BIRC6: variants seen among roughly 807,000 people sequenced by gnomAD.
BIRC6 encodes baculoviral IAP repeat containing 6.
A neutral mutation model predicts 503.3 loss-of-function variants in BIRC6; 98 were observed. The ratio of observed to expected loss-of-function variants is 0.19; its 90% CI spans 0.17 to 0.23. BIRC6 has a LOEUF of 0.23. Among genes scored for constraint, BIRC6 ranks in the 10% least tolerant of loss-of-function variants. The probability of loss-of-function intolerance (pLI) is 1.00; values close to 1 mark genes in which losing one functional copy is unlikely to be tolerated. For synonymous variants in BIRC6, 2,240 were observed against 2,078.7 expected, an observed-to-expected ratio of 1.08 and a Z score of -2.11; for missense variants, 5,360 against 5,806.0, an observed-to-expected ratio of 0.92 and a Z score of 2.50.
At position 32,477,482 on chromosome 2, in the gene BIRC6, C is replaced by T; in HGVS notation, c.6967C>T (p.Leu2323=). 5 of 1,614,038 alleles carry T rather than the reference C, an allele frequency of 3.1e-6. No homozygotes were observed. Among genetic ancestry groups the T allele is most frequent in the Non-Finnish European group, 4.2e-6 (5 of 1,179,884 alleles). The change falls in exon 35 of 74, where the codon CTG becomes TTG. Residue 2323 remains leucine, a synonymous_variant. Transcript: ENST00000421745. ...SPEIEPLPFT[L]AHERCISVVQ... is the part of the protein sequence containing the mutation. ...TGAGATAGAACCACTTCCATTTACTCTGGCCCATGAGCGTTGTATCTCAGT... is the reference window on the plus strand; with the variant it reads ...TGAGATAGAACCACTTCCATTTACTTTGGCCCATGAGCGTTGTATCTCAGT...
chr2:32,447,399 C>G, intron 21 of BIRC6, among the ~76,000 whole-genome samples: 1 of 151,360 alleles, frequency 6.6e-6, no homozygotes, highest in African/African-American at 2.4e-5. Flanking sequence ...CCCCACCTCC[C>G]TCCCGGACGG....
At chr2:32,541,359 A>C (rs1468167281) in intron 61 of BIRC6, among the ~76,000 whole-genome samples, 1 of 152,098 alleles carries the variant, frequency 6.6e-6, no homozygotes, top group Non-Finnish European at 1.5e-5. Flanking sequence ...CTGGCATCAA[A>C]ATTGCACCTG....
chr2:32,506,436 G>C (rs1487117239), intron 50 of BIRC6, among the ~76,000 whole-genome samples: 1 of 152,214 alleles, frequency 6.6e-6, no homozygotes, highest in Non-Finnish European at 1.5e-5. Context: ...AGGAAAATAT[G>C]CTAGTACACG....
At chr2:32,505,286 G>A (rs775433468) in intron 50 of BIRC6, 81 bp downstream of exon 50, 249 of 1,122,078 alleles carry the variant, frequency 2.2e-4, no homozygotes, top group Admixed American at 2.1e-4. Flanking sequence ...TTTAGTAAGC[G>A]GAAATACACT....
chr2:32,524,888 A>T lies in BIRC6; in HGVS notation c.11624A>T (p.Asp3875Val), dbSNP rs1272843184. Residue 3875 changes from aspartate to valine, a missense_variant and splice_region_variant, in exon 58 of 74, where the codon GAT (aspartate) becomes GTT (valine). By Grantham distance (152) the Asp-to-Val change is radical. Coordinates refer to ENST00000421745, the MANE Select transcript of BIRC6 (RefSeq NM_016252.4). ...TLSDVLDRVS[D>V]TPSITAKLIS... ...TATTTTAGATAATATCTTCTTACAG[A>T]TACTCCAAGTATCACAGCTAAATTA... 6.9e-7 allele frequency: 1 copy of T among 1,447,692 alleles called. No homozygotes were observed. The highest frequency in any genetic ancestry group is 9.2e-7 in the Non-Finnish European group (1 of 1,082,888). The allele number at this position is 1,447,692 out of a possible 1,614,324, so 89.7% of individuals were successfully genotyped here. A position where few individuals can be genotyped will look rare whatever the true frequency, so the allele number is the denominator to read the frequency against.
At chr2:32,510,495 C>A in intron 52 of BIRC6, 31 bp from the exon 53 acceptor site, 1 of 1,347,090 alleles carries the variant, frequency 7.4e-7, no homozygotes, top group Non-Finnish European at 1.1e-6. Flanking sequence ...GCTTATTTAG[C>A]AAACTTTTTC....
chr2:32,401,051 T>A, intron 6 of BIRC6, 112 bp from the exon 7 acceptor site: 2 of 864,970 alleles, frequency 2.3e-6, no homozygotes, highest in South Asian at 3.4e-5. Flanking sequence ...TCTTTAATGA[T>A]GAATACTTTA....
chr2:32,428,382 C>G (rs142887317), intron 10 of BIRC6, among the ~76,000 whole-genome samples: 2 of 152,324 alleles, frequency 1.3e-5, no homozygotes, highest in East Asian at 3.9e-4. Flanking sequence ...AGTAGCAGAT[C>G]TCCTTGTTTG....
At chr2:32,579,086 A>G (rs1334640186) in intron 66 of BIRC6, among the ~76,000 whole-genome samples, 3 of 147,698 alleles carry the variant, frequency 2.0e-5, no homozygotes. Flanking sequence ...TATTAGATAA[A>G]GAAAATAGAT....
At chr2:32,579,010 CCTAATATATATATACCT>C (rs1450934441) in intron 66 of BIRC6, among the ~76,000 whole-genome samples, 1 of 36,512 alleles carries the variant, frequency 2.7e-5, no homozygotes, top group East Asian at 3.3e-4. Context: ...TATATATATA[CCTAATATATATATACCT>C]AATATATATA....
intron 68 of BIRC6, among the ~76,000 whole-genome samples, chr2:32,596,445 G>C (rs1343644271): frequency 6.8e-6 from 1 of 148,146 alleles, no homozygotes; most frequent in African/African-American, 2.5e-5. Context: ...CTCCAGTCTG[G>C]GCGACAGAGC....
At chr2:32,566,648 C>T in intron 65 of BIRC6, among the ~76,000 whole-genome samples, 1 of 152,182 alleles carries the variant, frequency 6.6e-6, no homozygotes, top group Non-Finnish European at 1.5e-5. Context: ...CCACTGCATC[C>T]AGCTCACATA....
intron 10 of BIRC6, among the ~76,000 whole-genome samples, chr2:32,428,702 C>G (rs1411558614): frequency 2.0e-5 from 3 of 151,958 alleles, no homozygotes; most frequent in African/African-American, 7.3e-5. Flanking sequence ...TTTGAGTTGC[C>G]TTCATTTCAT....
Position 32,493,659 on chromosome 2 carries a change from A to T in BIRC6, c.8460A>T (p.Ser2820=). ...TGCTCAAGCTAATTCATATACTTTCAACTGAAAGGTAAATTTTTGTGTACT... is the reference window on the plus strand; with the variant it reads ...TGCTCAAGCTAATTCATATACTTTCTACTGAAAGGTAAATTTTTGTGTACT... ...EFLLKLIHIL[S]TERGAFQTGQ... is the part of the protein sequence containing the mutation. Residue 2820 remains serine, a synonymous_variant, in exon 45 of 74, where the codon TCA becomes TCT. Transcript: ENST00000421745. 1 of 1,599,052 alleles carries T rather than the reference A, an allele frequency of 6.3e-7. No individual in the cohort carries two copies. Among genetic ancestry groups the T allele is most frequent in the East Asian group, 2.2e-5 (1 of 44,612 alleles).
At chr2:32,543,187 G>T in intron 61 of BIRC6, 54 bp from the exon 62 acceptor site, 1 of 1,510,172 alleles carries the variant, frequency 6.6e-7, no homozygotes, top group Non-Finnish European at 9.1e-7. Flanking sequence ...TCTTTACTTT[G>T]AATCTGATGT....
intron 45 of BIRC6, among the ~76,000 whole-genome samples, chr2:32,498,223 C>T (rs1298328942): frequency 2.0e-5 from 3 of 152,118 alleles, no homozygotes; most frequent in African/African-American, 2.4e-5. Context: ...TATGCTACTA[C>T]ACACGGCTAA....
chr2:32,577,919 G>T (rs1317246120), intron 66 of BIRC6, among the ~76,000 whole-genome samples: 1 of 152,120 alleles, frequency 6.6e-6, no homozygotes, highest in Non-Finnish European at 1.5e-5. Context: ...AACAAAATAT[G>T]CATGTGAAGA....
intron 3 of BIRC6, among the ~76,000 whole-genome samples, chr2:32,382,649 T>C (rs966013447): frequency 6.6e-6 from 1 of 152,240 alleles, no homozygotes; most frequent in Non-Finnish European, 1.5e-5. Flanking sequence ...GTCTACCCCT[T>C]TGGCTACTCA....
Position 32,357,120 on chromosome 2 carries a change from T to C in BIRC6, c.-42T>C. 7.0e-7 allele frequency: 1 copy of C among 1,437,348 alleles called. No individual in the cohort carries two copies. Among genetic ancestry groups the C allele is most frequent in the Non-Finnish European group, 9.0e-7 (1 of 1,105,912 alleles). 89.0% of individuals were successfully genotyped at this position (1,437,348 alleles called of 1,614,324 possible). ...TTCCGCGTGCGTGCGGGCGCCTGAC[T>C]TCACTTCCGGCTAACGCGCTCGGCT... On this transcript the variant is annotated 5_prime_UTR_variant, in exon 1 of 74. Transcript: ENST00000421745. The surrounding 1 kb of genome is among the most constrained non-coding windows in gnomAD (Gnocchi z 4.9).
Sources: allele counts gnomAD v4.1 joint callset (sites outside exome capture counted in the v4.1 genomes callset), GRCh38; gene constraint gnomAD v4.1.1; non-coding constraint Gnocchi (gnomAD v3.1); transcripts MANE v1.5; gene names NCBI Gene and HGNC (gene_info 2026-07-23, HGNC 2026-07-21).